DGKB: variants seen among roughly 807,000 people sequenced by gnomAD.
DGKB encodes 90 kDa diacylglycerol kinase.
DGKB carries 67 observed loss-of-function variants against 114.3 expected under a neutral mutation model. That is an observed-to-expected ratio of 0.59 (90% CI 0.48 to 0.72). The LOEUF (loss-of-function observed/expected upper bound fraction) is 0.72, where lower values mean the gene tolerates loss of function less well. DGKB is among the 30% of genes least tolerant of loss of function. The probability of loss-of-function intolerance (pLI) is 0.00; values close to 1 mark genes in which losing one functional copy is unlikely to be tolerated. For missense variants in DGKB, 907 were observed against 975.2 expected (o/e 0.93, Z 0.93); for synonymous variants, 398 against 323.1 (o/e 1.23, Z -2.49).
intron 13 of DGKB, among the ~76,000 whole-genome samples, chr7:14,649,488 G>A (rs1313090813): frequency 6.6e-6 from 1 of 151,800 alleles, no homozygotes; most frequent in Non-Finnish European, 1.5e-5. Context: ...AAGAGCTCCT[G>A]AAGGAAGCAC....
chr7:14,457,182 T>C (rs1048160873), intron 21 of DGKB, among the ~76,000 whole-genome samples: 1 of 152,128 alleles, frequency 6.6e-6, no homozygotes, highest in African/African-American at 2.4e-5. Flanking sequence ...TAAAATAATA[T>C]GATATCATAG....
At chr7:14,953,755 GTAACATTATTCATAC>G (rs1488739829) in intron 1 of DGKB, among the ~76,000 whole-genome samples, 3 of 152,102 alleles carry the variant, frequency 2.0e-5, no homozygotes, top group African/African-American at 7.2e-5. Context: ...AATGTTCATA[GTAACATTATTCATAC>G]TAAACAAGAA....
intron 23 of DGKB, among the ~76,000 whole-genome samples, chr7:14,296,903 T>C (rs999007512): frequency 2.6e-5 from 4 of 151,314 alleles, no homozygotes; most frequent in Admixed American, 2.6e-4. Flanking sequence ...AAATACAAAC[T>C]ACCATCGGAA....
In DGKB at chr7:14,740,590, G is replaced by A. The variant is rs1832438009; in HGVS notation, c.169-4396C>T. On this transcript the variant is annotated intron_variant, in intron 4 of 25. Transcript: ENST00000402815. Reference sequence around the variant, plus strand: ...CTAGGAAAGAAAACTGGATCTTAGGGATCCAGAGGCAGACAACAATGGAAG... The same window carrying A: ...CTAGGAAAGAAAACTGGATCTTAGGAATCCAGAGGCAGACAACAATGGAAG... 2.6e-5 allele frequency among the ~76,000 whole-genome samples: 4 copies of A among 152,130 alleles called. No individual in the cohort carries two copies. In the South Asian group the frequency reaches 8.3e-4, roughly 31 times the overall value.
chr7:14,514,939 G>A (rs532287713), intron 20 of DGKB, among the ~76,000 whole-genome samples: 5 of 152,218 alleles, frequency 3.3e-5, no homozygotes, highest in Admixed American at 3.3e-4. Flanking sequence ...AGTTACTCAG[G>A]AGCCTGAGGT....
chr7:14,800,343 G>C (rs1841993198), intron 2 of DGKB, among the ~76,000 whole-genome samples: 1 of 152,224 alleles, frequency 6.6e-6, no homozygotes, highest in Non-Finnish European at 1.5e-5. Flanking sequence ...TGAGGGTGTT[G>C]ACAAAAGAAA....
At chr7:14,906,349 TAAAC>T (rs1244706876), upstream of DGKB, among the ~76,000 whole-genome samples, 5 of 152,114 alleles carry the variant, frequency 3.3e-5, no homozygotes, top group South Asian at 2.1e-4. Context: ...AATTAATTCT[TAAAC>T]AAACAAAATA....
chr7:14,557,323 C>A (rs1012800200), intron 20 of DGKB, among the ~76,000 whole-genome samples: 1 of 151,956 alleles, frequency 6.6e-6, no homozygotes, highest in Admixed American at 6.6e-5. Context: ...AAATATTTTC[C>A]ATAGCTGTGG....
rs1562637104 is a variant in DGKB at position 14,825,046 on chromosome 7, ATAT to A, written c.70+16145_70+16147del. Among the ~76,000 whole-genome samples the A allele has an allele frequency of 2.8e-5, 4 of 142,900 alleles. No individual in the cohort carries two copies. In the East Asian group the frequency reaches 6.1e-4, roughly 22 times the overall value. The allele number at this position is 142,900 out of a possible 152,430, so 93.7% of individuals were successfully genotyped here. Reference sequence around the variant, plus strand: ...TATATATATATATATATATATATATATATATATATATCACATGTACTAGGTAAG... The same window carrying A: ...TATATATATATATATATATATATATAATATATATCACATGTACTAGGTAAG... On this transcript the variant is annotated intron_variant, in intron 2 of 25. Transcript: ENST00000402815.
intron 21 of DGKB, among the ~76,000 whole-genome samples, chr7:14,440,112 C>A (rs980664860): frequency 6.6e-6 from 1 of 152,062 alleles, no homozygotes; most frequent in Admixed American, 6.6e-5. Context: ...CTTCTACAGC[C>A]CTTCATATTT....
intron 20 of DGKB, among the ~76,000 whole-genome samples, chr7:14,501,163 T>G (rs1786108045): frequency 6.6e-6 from 1 of 151,888 alleles, no homozygotes; most frequent in Admixed American, 6.6e-5. Context: ...GATCTAGGGT[T>G]ATAGGAATCA....
intron 23 of DGKB, among the ~76,000 whole-genome samples, chr7:14,251,853 T>C (rs1795290532): frequency 6.6e-6 from 1 of 152,170 alleles, no homozygotes; most frequent in Non-Finnish European, 1.5e-5. Context: ...AAGGTTTCTG[T>C]TGAAAAATGC....
At chr7:14,417,307 G>T (rs1825861490) in intron 21 of DGKB, among the ~76,000 whole-genome samples, 1 of 151,800 alleles carries the variant, frequency 6.6e-6, no homozygotes, top group African/African-American at 2.4e-5. Flanking sequence ...TGCTGTATTA[G>T]AACAAAATAA....
chr7:14,958,828 C>T (rs1399164114), intron 1 of DGKB, among the ~76,000 whole-genome samples: 1 of 152,078 alleles, frequency 6.6e-6, no homozygotes, highest in Non-Finnish European at 1.5e-5. Context: ...GAATCTCTCT[C>T]TCCTCCGTGG....
chr7:14,231,058 A>C (rs1364208506), intron 23 of DGKB, among the ~76,000 whole-genome samples: 7 of 151,740 alleles, frequency 4.6e-5, no homozygotes, highest in Non-Finnish European at 1.0e-4. Flanking sequence ...GTATTAAGCA[A>C]GGTTAAAAAT....
chr7:14,387,128 A>ATTT (rs754965139), intron 21 of DGKB, among the ~76,000 whole-genome samples: 1 of 150,252 alleles, frequency 6.7e-6, no homozygotes, highest in Non-Finnish European at 1.5e-5. Flanking sequence ...TTATTTATTT[A>ATTT]AAGACAGTGT....
chr7:14,652,562 G>C (rs1814787955), intron 13 of DGKB, among the ~76,000 whole-genome samples: 2 of 151,880 alleles, frequency 1.3e-5, no homozygotes, highest in African/African-American at 4.8e-5. Flanking sequence ...AGAAAACCTA[G>C]GCTTTACCAT....
In DGKB at chr7:14,586,855, CA is replaced by C. The variant is rs398066647; in HGVS notation, c.1434-3719del. On this transcript the variant is annotated intron_variant, in intron 17 of 25. Coordinates refer to ENST00000402815, the MANE Select transcript of DGKB (RefSeq NM_001350709.2). ...AAGTCCACGACTGAGACATATTTCT[CA>C]AAAAAAAAAAAAGATTCCTTTCAAA... Among the ~76,000 whole-genome samples, 1,393 of 144,606 alleles carry C rather than the reference CA, an allele frequency of 9.6e-3. 22 individuals carry two copies. The highest frequency in any genetic ancestry group is 0.029 in the African/African-American group (1,130 of 39,604). 94.9% of individuals were successfully genotyped at this position (144,606 alleles called of 152,430 possible).
intron 17 of DGKB, among the ~76,000 whole-genome samples, chr7:14,589,968 G>T (rs1007423202): frequency 3.4e-5 from 5 of 148,152 alleles, no homozygotes; most frequent in African/African-American, 1.2e-4. Context: ...AATTATTGAA[G>T]TTCTTTGAAA....
Sources: gnomAD v4.1 joint callset for allele counts (sites outside exome capture counted in the v4.1 genomes callset) on GRCh38, gnomAD v4.1.1 for gene constraint, MANE v1.5 for transcripts, NCBI Gene and HGNC (gene_info 2026-07-23, HGNC 2026-07-21) for gene names.